Variants in NDEL1 observed in about 807,000 individuals in gnomAD.
NDEL1 encodes nuclear distribution protein nudE-like 1.
Under a neutral mutation model 45.7 loss-of-function variants are expected in NDEL1, and 9 were observed. The observed-to-expected ratio is 0.20, with a 90% CI of 0.12 to 0.34. NDEL1 has a LOEUF of 0.34. Among genes scored for constraint, NDEL1 ranks in the 10% least tolerant of loss-of-function variants. The probability of loss-of-function intolerance (pLI) is 1.00; values close to 1 mark genes in which losing one functional copy is unlikely to be tolerated. For synonymous variants in NDEL1, 133 were observed against 158.6 expected, an observed-to-expected ratio of 0.84 and a Z score of 1.21; for missense variants, 306 against 406.2, an observed-to-expected ratio of 0.75 and a Z score of 2.12.
At chr17:8,426,444 T>C (rs1908834303) in intron 1 of NDEL1, among the ~76,000 whole-genome samples, 1 of 152,208 alleles carries the variant, frequency 6.6e-6, no homozygotes, top group Non-Finnish European at 1.5e-5. Context: ...TGAGCACATA[T>C]CATTTTTTCC....
chr17:8,435,455 G>A (rs1909217687), upstream of NDEL1, among the ~76,000 whole-genome samples: 1 of 152,204 alleles, frequency 6.6e-6, no homozygotes, highest in African/African-American at 2.4e-5. Flanking sequence ...ACAACACAGA[G>A]CTTTGTGAGA....
chr17:8,442,925 G>T (rs557494635), intron 1 of NDEL1, among the ~76,000 whole-genome samples: 78 of 151,864 alleles, frequency 5.1e-4, no homozygotes, highest in Non-Finnish European at 9.4e-4. Context: ...GACTACAGGC[G>T]CCTGCCACCA....
chr17:8,466,548 A>G (rs1215064883), intron 8 of NDEL1: 1 of 174,214 alleles, frequency 5.7e-6, no homozygotes, highest in Non-Finnish European at 1.2e-5. Flanking sequence ...TTCCCATGCT[A>G]TTAAAAAACT....
At chr17:8,454,239 G>A (rs1249866194) in intron 6 of NDEL1, among the ~76,000 whole-genome samples, 1 of 143,400 alleles carries the variant, frequency 7.0e-6, no homozygotes, top group African/African-American at 2.6e-5. Context: ...CATCCAGAAT[G>A]TATAGAGTTC....
At chr17:8,414,742 A>G (rs1908504704) in intron 1 of NDEL1, among the ~76,000 whole-genome samples, 2 of 152,028 alleles carry the variant, frequency 1.3e-5, no homozygotes, top group Non-Finnish European at 2.9e-5. Context: ...CCTGGTGTGA[A>G]ACACTGGCCT....
chr17:8,449,700 A>G (rs1910344974), intron 5 of NDEL1, among the ~76,000 whole-genome samples: 1 of 152,172 alleles, frequency 6.6e-6, no homozygotes, highest in Non-Finnish European at 1.5e-5. Flanking sequence ...ATCCATGTGT[A>G]GTATGTGACA....
rs769955785 is a variant in NDEL1, at chr17:8,467,111, G to A, written c.*88G>A. The A allele has an allele frequency of 1.0e-5, 14 of 1,333,774 alleles. No homozygotes were observed. The highest frequency in any genetic ancestry group is 1.8e-5 in the Admixed American group (1 of 55,486). The allele number at this position is 1,333,774 out of a possible 1,614,324, so 82.6% of individuals were successfully genotyped here. On this transcript the variant is annotated 3_prime_UTR_variant, in exon 9 of 9. Transcript: ENST00000334527. The surrounding 1 kb of genome is among the most constrained non-coding windows in gnomAD (Gnocchi z 6.3). ...CCCCTCGGTGCCTGGGCCCAGCCCCGTGCCCCTCCGTCTGCCTCCGCACGG... is the reference window on the plus strand; with the variant it reads ...CCCCTCGGTGCCTGGGCCCAGCCCCATGCCCCTCCGTCTGCCTCCGCACGG...
Position 8,459,259 on chromosome 17 carries a change from A to G in NDEL1, c.793-750A>G, listed in dbSNP as rs557735088. The stretch of plus-strand genomic sequence containing the variant: ...GATTTGGGCAAAGTGTTTATGGGAA[A>G]GAGACAGCTGGTGAAGTGTGAGTGT... On this transcript the variant is annotated intron_variant, in intron 7 of 8. Transcript: ENST00000334527. Among the ~76,000 whole-genome samples the G allele has an allele frequency of 3.3e-5, 5 of 152,262 alleles. No individual in the cohort carries two copies. In the East Asian group the frequency reaches 7.7e-4, roughly 24 times the overall value.
Position 8,446,944 on chromosome 17 carries a change from G to C in NDEL1, c.389+42G>C, listed in dbSNP as rs1413800078. The C allele has an allele frequency of 5.7e-6, 9 of 1,587,078 alleles. No individual in the cohort carries two copies. In the Admixed American group the frequency reaches 1.6e-4, roughly 28 times the overall value. ...ATTTTGTTAGAAAAAAACCACCTTG[G>C]TAATTAGTGATTAAAATCTTTATTA... On this transcript the variant is annotated intron_variant, in intron 4 of 8. Transcript: ENST00000334527.
At chr17:8,430,248 C>G (rs1908965611) in intron 1 of NDEL1, among the ~76,000 whole-genome samples, 1 of 152,180 alleles carries the variant, frequency 6.6e-6, no homozygotes. Flanking sequence ...ACTGGCCAGT[C>G]AGTGGGTGTC....
chr17:8,441,241 A>G (rs1204871637), intron 1 of NDEL1, among the ~76,000 whole-genome samples: 1 of 152,218 alleles, frequency 6.6e-6, no homozygotes, highest in African/African-American at 2.4e-5. Context: ...TATTTAAGGG[A>G]CTGAGATGGC....
chr17:8,452,469 T>C (rs1296214834), intron 6 of NDEL1, among the ~76,000 whole-genome samples: 1 of 152,158 alleles, frequency 6.6e-6, no homozygotes, highest in East Asian at 1.9e-4. Flanking sequence ...AATAGATATG[T>C]TTTTAGGCTG....
At chr17:8,451,625 A>G (rs530488497) in intron 6 of NDEL1, among the ~76,000 whole-genome samples, 2 of 152,296 alleles carry the variant, frequency 1.3e-5, no homozygotes, top group South Asian at 4.1e-4. Context: ...ATTGCCATGA[A>G]CCAGTGTGTT....
intron 5 of NDEL1, among the ~76,000 whole-genome samples, chr17:8,448,949 C>T (rs1052122616): frequency 1.3e-5 from 2 of 152,194 alleles, no homozygotes; most frequent in Non-Finnish European, 2.9e-5. Flanking sequence ...TATTTATCCT[C>T]CCTTACCTTA....
intron 1 of NDEL1, among the ~76,000 whole-genome samples, chr17:8,428,314 AGTGTGTGTG>A: frequency 7.2e-6 from 1 of 139,800 alleles, no homozygotes; most frequent in African/African-American, 2.6e-5. Flanking sequence ...TCAAGGCTCA[AGTGTGTGTG>A]GTGTGTGTGT....
chr17:8,466,968 G>C lies in NDEL1; in HGVS notation c.983G>C (p.Gly328Ala), dbSNP rs1331892888. The C allele has an allele frequency of 6.2e-7, 1 of 1,614,044 alleles. No individual in the cohort carries two copies. Among genetic ancestry groups the C allele is most frequent in the Non-Finnish European group, 8.5e-7 (1 of 1,180,046 alleles). ...TTTGACCCCGCTCCTCCTCCTCCTG[G>C]TCTGGGCTCCTCGCGTCCATCGTCA... ...NGFDPAPPPP[G>A]LGSSRPSSAP... The change falls in exon 9 of 9, where the codon GGT becomes GCT. Residue 328 changes from glycine to alanine, a missense_variant. This residue lies in a region of NDEL1 where 175 missense variants were observed against 205.2 expected (regional missense o/e 0.85). Transcript: ENST00000334527.
chr17:8,414,950 C>G (rs1329005105), intron 1 of NDEL1, among the ~76,000 whole-genome samples: 1 of 152,190 alleles, frequency 6.6e-6, no homozygotes, highest in Non-Finnish European at 1.5e-5. Context: ...GTCTCTTTCT[C>G]TTATTCCTCA....
chr17:8,463,228 G>C, intron 8 of NDEL1: 1 of 923,488 alleles, frequency 1.1e-6, no homozygotes. Flanking sequence ...GTTCTTTTGG[G>C]CTGTGTGTAG....
chr17:8,448,425 T>A (rs1283364817), intron 4 of NDEL1, 125 bp from the exon 5 acceptor site: 5 of 998,386 alleles, frequency 5.0e-6, no homozygotes, highest in East Asian at 2.6e-5. Context: ...CAAGATCATC[T>A]TCTTTGATTG....
Sources: gnomAD v4.1 joint callset for allele counts (sites outside exome capture counted in the v4.1 genomes callset) on GRCh38, gnomAD v4.1.1 for gene constraint, gnomAD v4.1.1 regional missense constraint, Gnocchi (gnomAD v3.1) non-coding constraint, MANE v1.5 for transcripts, NCBI Gene and HGNC (gene_info 2026-07-23, HGNC 2026-07-21) for gene names.